The following COPA variants were observed in gnomAD, a reference collection of about 807,000 sequenced individuals.
COPA encodes the protein coat protein complex I subunit alpha.
COPA carries 10 observed loss-of-function variants against 158.7 expected under a neutral mutation model. That is an observed-to-expected ratio of 0.06 (90% CI 0.04 to 0.11). COPA has a LOEUF of 0.11. COPA is among the 10% of genes least tolerant of loss of function. The pLI is 1.00. For missense variants in COPA, 1,065 were observed against 1,536.7 expected, an observed-to-expected ratio of 0.69 and a Z score of 5.13; for synonymous variants, 462 against 542.8, an observed-to-expected ratio of 0.85 and a Z score of 2.07.
At position 160,317,364 on chromosome 1, in the gene COPA, T is replaced by G. The variant is rs546471687; in HGVS notation, c.707-3239A>C. ...TGAGGTTCTGCTTACCCGAGGCCGC[T>G]GCTGTGCGGAGACCCCCGGGTGAAG... On this transcript the variant is annotated intron_variant, in intron 8 of 32. Transcript: ENST00000241704. 1.7e-5 allele frequency: 27 copies of G among 1,591,480 alleles called. No homozygotes were observed. In the East Asian group the frequency reaches 6.0e-4, roughly 36 times the overall value.
intron 7 of COPA, among the ~76,000 whole-genome samples, chr1:160,324,709 A>C (rs945226995): frequency 6.6e-6 from 1 of 152,140 alleles, no homozygotes; most frequent in Non-Finnish European, 1.5e-5. Flanking sequence ...GATATATTTC[A>C]TGTTTTTAAA....
At chr1:160,303,359 A>AT (rs1658679416) in intron 17 of COPA, among the ~76,000 whole-genome samples, 1 of 152,242 alleles carries the variant, frequency 6.6e-6, no homozygotes, top group African/African-American at 2.4e-5. Context: ...ACAGTGTGGA[A>AT]TTAGAGCAGA....
At chr1:160,296,508 G>C (rs929010237) in intron 21 of COPA, among the ~76,000 whole-genome samples, 1 of 152,180 alleles carries the variant, frequency 6.6e-6, no homozygotes, top group African/African-American at 2.4e-5. Flanking sequence ...AAGGACATGG[G>C]GGCTGCCAAT....
At position 160,319,372 on chromosome 1, in the gene COPA, T is replaced by C. The variant is rs1014922119; in HGVS notation, c.706+4059A>G. 2.0e-5 allele frequency among the ~76,000 whole-genome samples: 3 copies of C among 150,568 alleles called. No homozygotes were observed. The South Asian group carries it at 6.3e-4, about 32-fold the overall frequency. On this transcript the variant is annotated intron_variant, in intron 8 of 32. Transcript: ENST00000241704. ...GTATCTGTGCACCCAACACCAAAGC[T>C]CCCAAGTATATAAAGCAAACACTAA... is the stretch of plus-strand genomic sequence containing the variant.
intron 6 of COPA, among the ~76,000 whole-genome samples, chr1:160,326,632 A>G (rs1014767997): frequency 6.6e-6 from 1 of 152,226 alleles, no homozygotes; most frequent in Non-Finnish European, 1.5e-5. Context: ...AACTAGGCCT[A>G]TTAAGTACAA....
chr1:160,292,892 C>T (rs1658286909), intron 27 of COPA, among the ~76,000 whole-genome samples: 1 of 152,004 alleles, frequency 6.6e-6, no homozygotes, highest in Admixed American at 6.6e-5. Flanking sequence ...CAGACCTCTG[C>T]TTGGAAAGGG....
At chr1:160,329,025 A>G (rs74125591) in intron 6 of COPA, among the ~76,000 whole-genome samples, 5,013 of 152,320 alleles carry the variant, frequency 0.033, 270 homozygotes, top group African/African-American at 0.11. Flanking sequence ...TTTCAGAAAT[A>G]TAAGCACTGG....
intron 27 of COPA, 147 bp downstream of exon 27, chr1:160,293,019 T>A: frequency 1.2e-6 from 1 of 811,630 alleles, no homozygotes; most frequent in South Asian, 1.7e-5. Context: ...GGAAGGCAAG[T>A]GTACTTAACA....
rs142682276 is a variant in COPA, at chr1:160,341,027, C to T, written c.41-733G>A. The stretch of plus-strand genomic sequence containing the variant: ...TCACAGGACTCACCTTGTTTATTTG[C>T]CTTCTCTGGAGAATTATTTTCCTGC... On this transcript the variant is annotated intron_variant, in intron 1 of 32. Transcript: ENST00000241704. 6.9e-4 allele frequency among the ~76,000 whole-genome samples: 105 copies of T among 152,342 alleles called. 1 individual carries two copies. The highest frequency in any genetic ancestry group is 2.4e-3 in the African/African-American group (98 of 41,588).
intron 6 of COPA, chr1:160,326,111 T>C (rs1266376463): frequency 6.0e-6 from 1 of 165,880 alleles, no homozygotes; most frequent in South Asian, 1.6e-4. Context: ...TTTTAAAGAA[T>C]AGTCAAGTGC....
chr1:160,306,826 T>C (rs1191298609), intron 14 of COPA, among the ~76,000 whole-genome samples: 2 of 152,244 alleles, frequency 1.3e-5, no homozygotes, highest in African/African-American at 4.8e-5. Context: ...CTGGACCTAT[T>C]ACATTTCAAG....
At chr1:160,291,565 TA>T in intron 30 of COPA, 69 bp from the exon 31 acceptor site, 1 of 1,540,316 alleles carries the variant, frequency 6.5e-7, no homozygotes, top group Non-Finnish European at 8.8e-7. Context: ...TCTAAGCTGC[TA>T]CACATGCATA....
intron 6 of COPA, among the ~76,000 whole-genome samples, chr1:160,330,336 A>T (rs774201294): frequency 6.6e-6 from 1 of 152,202 alleles, no homozygotes; most frequent in Non-Finnish European, 1.5e-5. Flanking sequence ...GCCTGTGTCT[A>T]GCTCCTCCTG....
At chr1:160,330,822 C>A (rs913822793) in intron 6 of COPA, among the ~76,000 whole-genome samples, 2 of 152,110 alleles carry the variant, frequency 1.3e-5, no homozygotes, top group African/African-American at 4.8e-5. Flanking sequence ...GTTTTGTAGT[C>A]CAGTCACTGA....
At chr1:160,315,724 C>A (rs1331081465) in intron 8 of COPA, among the ~76,000 whole-genome samples, 5 of 152,018 alleles carry the variant, frequency 3.3e-5, no homozygotes, top group African/African-American at 1.2e-4. Flanking sequence ...AGGTGTATAC[C>A]CAAAATAAAC....
intron 10 of COPA, among the ~76,000 whole-genome samples, chr1:160,312,579 C>G (rs1008625186): frequency 2.6e-5 from 4 of 152,186 alleles, no homozygotes; most frequent in African/African-American, 9.7e-5. Context: ...CTTTCCTGCC[C>G]AAAACCTTCC....
At chr1:160,314,736 T>C (rs1234924348) in intron 8 of COPA, among the ~76,000 whole-genome samples, 1 of 152,186 alleles carries the variant, frequency 6.6e-6, no homozygotes, top group Non-Finnish European at 1.5e-5. Flanking sequence ...TATTTTTTCT[T>C]TTTTTCAGGG....
chr1:160,316,880 G>A (rs746214644), intron 8 of COPA, among the ~76,000 whole-genome samples: 2 of 152,022 alleles, frequency 1.3e-5, no homozygotes, highest in Non-Finnish European at 2.9e-5. Context: ...GGTACAGGAA[G>A]GCCTGAGAAC....
chr1:160,295,586 A>G (rs1157569919), intron 23 of COPA, 150 bp downstream of exon 23: 1 of 863,394 alleles, frequency 1.2e-6, no homozygotes, highest in East Asian at 3.0e-5. Context: ...TAAGTTTTTA[A>G]GACTGCACCA....
Sources: allele counts gnomAD v4.1 joint callset (sites outside exome capture counted in the v4.1 genomes callset), GRCh38; gene constraint gnomAD v4.1.1; transcripts MANE v1.5; gene names NCBI Gene and HGNC (gene_info 2026-07-23, HGNC 2026-07-21).